MAST4: variants seen among roughly 807,000 people sequenced by gnomAD.
The protein encoded by MAST4 is microtubule-associated serine/threonine-protein kinase 4.
Under a neutral mutation model 162.7 loss-of-function variants are expected in MAST4, and 89 were observed. That is an observed-to-expected ratio of 0.55 (90% confidence interval 0.46 to 0.65). The LOEUF (loss-of-function observed/expected upper bound fraction) is 0.65, where lower values mean the gene tolerates loss of function less well. Ranked by LOEUF, MAST4 falls within the 30% of genes least tolerant of loss-of-function variation. The pLI is 0.00. For synonymous variants in MAST4, 1,479 were observed against 1,361.1 expected, an observed-to-expected ratio of 1.09 and a Z score of -1.91; for missense variants, 3,153 against 3,374.0, an observed-to-expected ratio of 0.93 and a Z score of 1.62.
intron 4 of MAST4, among the ~76,000 whole-genome samples, chr5:67,031,027 A>C (rs193128452): frequency 2.0e-5 from 3 of 152,244 alleles, no homozygotes; most frequent in Admixed American, 6.5e-5. Flanking sequence ...TAAAAAGTAA[A>C]ATTGATGTCT....
At chr5:67,013,095 A>G (rs1053359334) in intron 4 of MAST4, among the ~76,000 whole-genome samples, 1 of 152,216 alleles carries the variant, frequency 6.6e-6, no homozygotes, top group African/African-American at 2.4e-5. Context: ...TCCTACATTT[A>G]TCAGTGACTG....
At position 67,163,263 on chromosome 5, in the gene MAST4, C is replaced by T. The variant is rs749963779; in HGVS notation, c.4084C>T (p.Arg1362Trp). 1.9e-6 allele frequency: 3 copies of T among 1,613,452 alleles called. No individual in the cohort carries two copies. Among genetic ancestry groups the T allele is most frequent in the Non-Finnish European group, 2.5e-6 (3 of 1,179,900 alleles). ...TCTTGCACCCAAACTCGGCGGGCAG[C>T]GGTACCGGTCCGGAAGGCGAAAGTC... ...HGLAPKLGGQ[R>W]YRSGRRKSAG... is the part of the protein sequence containing the mutation. The change falls in exon 29 of 29, where the codon CGG becomes TGG. Residue 1362 changes from arginine (R) to tryptophan (W), a missense_variant. Physicochemically the swap from Arg to Trp is moderately radical, Grantham distance 101. This residue lies in a region of MAST4 where 619 missense variants were observed against 744.2 expected (regional missense o/e 0.83). Coordinates refer to ENST00000403625, the MANE Select transcript of MAST4 (RefSeq NM_001164664.2). The surrounding 1 kb of genome is among the most constrained non-coding windows in gnomAD (Gnocchi z 7.0).
intron 3 of MAST4, among the ~76,000 whole-genome samples, chr5:66,878,941 A>C (rs1245994469): frequency 6.6e-6 from 1 of 152,244 alleles, no homozygotes; most frequent in African/African-American, 2.4e-5. Flanking sequence ...AATATGAATA[A>C]ATGGCTCATA....
chr5:67,106,837 G>C (rs1300657779), intron 10 of MAST4, among the ~76,000 whole-genome samples: 1 of 152,094 alleles, frequency 6.6e-6, no homozygotes, highest in Non-Finnish European at 1.5e-5. Context: ...TAACTCCCTG[G>C]TACTGAGTTC....
chr5:67,099,990 C>T (rs1433685102), intron 7 of MAST4, among the ~76,000 whole-genome samples: 2 of 152,146 alleles, frequency 1.3e-5, no homozygotes, highest in East Asian at 1.9e-4. Flanking sequence ...GGTTTCATTG[C>T]CTTATTGACG....
At chr5:66,740,456 C>T (rs1293342007) in intron 1 of MAST4, among the ~76,000 whole-genome samples, 2 of 152,202 alleles carry the variant, frequency 1.3e-5, no homozygotes, top group African/African-American at 4.8e-5. Context: ...CCTTAATATT[C>T]TCATTAACCA....
rs371844723 is a variant in MAST4, at chr5:67,111,417, TGAG to T, written c.1458+1222_1458+1224del. 2.6e-4 allele frequency among the ~76,000 whole-genome samples: 40 copies of T among 152,190 alleles called. 1 individual carries two copies. The South Asian group carries it at 8.3e-3, about 32-fold the overall frequency. ...CTTGTAAGACATAGAGGGAAAATCT[TGAG>T]GAGAAAGGTAGGGAGTTGGGAGGTG... On this transcript the variant is annotated intron_variant, in intron 11 of 28. Transcript: ENST00000403625.
rs138020214 is a variant in MAST4 at position 67,166,315 on chromosome 5, A to G, written c.7136A>G (p.Tyr2379Cys). 1.1e-3 allele frequency: 1,716 copies of G among 1,584,284 alleles called. 14 individuals carry two copies. The African/African-American group carries it at 0.02, about 18-fold the overall frequency. Residue 2379 changes from tyrosine (Y) to cysteine (C), a missense_variant, in exon 29 of 29, where the codon TAT (tyrosine) becomes TGT (cysteine). Around this residue, in one of 7 missense-constraint regions of MAST4, gnomAD observed 1,644 missense variants for 1,495.0 expected, o/e 1.10. Transcript: ENST00000403625. ...GGGAAGAAATGCACTGAAGCACTTT[A>G]TGCTCCAGCAGAGGGCGACAAGCTC... ...AEGKKCTEAL[Y>C]APAEGDKLEA...
intron 4 of MAST4, among the ~76,000 whole-genome samples, chr5:66,993,920 A>ACCCCCCCCCCCCC (rs55759396): frequency 1.9e-4 from 11 of 57,684 alleles, no homozygotes; most frequent in Non-Finnish European, 2.7e-4. Flanking sequence ...TGTGCAGAAG[A>ACCCCCCCCCCCCC]CCCCCCCCCC....
chr5:66,618,085 G>A (rs931817277), intron 1 of MAST4, among the ~76,000 whole-genome samples: 1 of 152,132 alleles, frequency 6.6e-6, no homozygotes, highest in Non-Finnish European at 1.5e-5. Context: ...CTGCCAGGTG[G>A]TTCTGTGAGT....
intron 5 of MAST4, among the ~76,000 whole-genome samples, chr5:67,081,779 T>A (rs985989970): frequency 1.3e-5 from 2 of 152,250 alleles, no homozygotes; most frequent in Admixed American, 6.5e-5. Flanking sequence ...CATACTTTTG[T>A]GAAAATAAAA....
At chr5:66,834,351 A>G (rs1345810342) in intron 3 of MAST4, among the ~76,000 whole-genome samples, 1 of 152,158 alleles carries the variant, frequency 6.6e-6, no homozygotes, top group Admixed American at 6.5e-5. Context: ...GACCTTAGGT[A>G]AAAGGACACA....
chr5:66,659,616 T>C (rs1201848817), intron 1 of MAST4, among the ~76,000 whole-genome samples: 2 of 152,252 alleles, frequency 1.3e-5, no homozygotes, highest in Admixed American at 1.3e-4. Context: ...TGATGCATTT[T>C]TTGTTATCAT....
intron 4 of MAST4, among the ~76,000 whole-genome samples, chr5:67,024,934 C>T (rs930015201): frequency 1.3e-5 from 2 of 151,798 alleles, no homozygotes; most frequent in African/African-American, 4.8e-5. Context: ...TAACTGTGTA[C>T]CCCACGAATA....
chr5:66,818,468 C>T (rs1265025232), intron 3 of MAST4, among the ~76,000 whole-genome samples: 1 of 151,740 alleles, frequency 6.6e-6, no homozygotes, highest in Non-Finnish European at 1.5e-5. Flanking sequence ...ATGGTCTGTG[C>T]CCTTGTAGTT....
chr5:67,058,797 G>A (rs1429217703), intron 5 of MAST4, among the ~76,000 whole-genome samples: 1 of 152,232 alleles, frequency 6.6e-6, no homozygotes, highest in Non-Finnish European at 1.5e-5. Flanking sequence ...TAGCGAATAA[G>A]AAAGTAGGGA....
At chr5:66,877,706 T>C (rs1344515702) in intron 3 of MAST4, among the ~76,000 whole-genome samples, 3 of 152,176 alleles carry the variant, frequency 2.0e-5, no homozygotes, top group Non-Finnish European at 4.4e-5. Flanking sequence ...AAATATAATA[T>C]GGACTCCTTA....
intron 3 of MAST4, among the ~76,000 whole-genome samples, chr5:66,818,888 C>G (rs1756859761): frequency 6.6e-6 from 1 of 152,216 alleles, no homozygotes; most frequent in Non-Finnish European, 1.5e-5. Context: ...CTCATTGTCT[C>G]ACTTTCCTCA....
chr5:67,151,774 T>C (rs1401210097), intron 24 of MAST4, among the ~76,000 whole-genome samples: 7 of 147,430 alleles, frequency 4.7e-5, no homozygotes, highest in African/African-American at 1.5e-4. Flanking sequence ...TTTCTTTTTT[T>C]TTTTTTTTTT....
Sources: allele counts gnomAD v4.1 joint callset (sites outside exome capture counted in the v4.1 genomes callset), GRCh38; gene constraint gnomAD v4.1.1; regional missense constraint gnomAD v4.1.1; non-coding constraint Gnocchi (gnomAD v3.1); transcripts MANE v1.5; gene names NCBI Gene and HGNC (gene_info 2026-07-23, HGNC 2026-07-21).